Variants in ARL15 observed in about 807,000 individuals in gnomAD.
ARL15 encodes ARF like GTPase 15.
Under a neutral mutation model 25.2 loss-of-function variants are expected in ARL15, and 19 were observed. The ratio of observed to expected loss-of-function variants is 0.75; its 90% CI spans 0.53 to 1.10. The LOEUF (loss-of-function observed/expected upper bound fraction) is 1.10, where lower values mean the gene tolerates loss of function less well. ARL15 is among the 50% of genes least tolerant of loss of function. ARL15 has a pLI of 0.00. For missense variants in ARL15, 220 were observed against 246.0 expected (o/e 0.89, Z 0.71); for synonymous variants, 94 against 86.8 (o/e 1.08, Z -0.46).
rs1483269823 is a variant in ARL15 at position 54,171,898 on chromosome 5, G to A, written c.79C>T (p.Pro27Ser). ...CFRALCCKGPPPARPEYDLVC... is the reference protein window; with the variant it reads ...CFRALCCKGPSPARPEYDLVC... The stretch of plus-strand genomic sequence containing the variant: ...AGGTCATATTCTGGTCGTGCAGGTG[G>A]TGGTCCCTTGCAGCAAAGTGCTCTA... The change falls in exon 2 of 5, where the codon CCA becomes TCA. Residue 27 changes from proline (P) to serine (S), a missense_variant. Coordinates refer to ENST00000504924, the MANE Select transcript of ARL15 (RefSeq NM_019087.3). The A allele has an allele frequency of 1.5e-5, 25 of 1,613,300 alleles. No homozygotes were observed. The highest frequency in any genetic ancestry group is 2.1e-5 in the Non-Finnish European group (25 of 1,179,486).
chr5:53,893,758 C>T (rs1272742160), intron 4 of ARL15, among the ~76,000 whole-genome samples: 1 of 152,160 alleles, frequency 6.6e-6, no homozygotes, highest in East Asian at 1.9e-4. Flanking sequence ...GTAACCTTCA[C>T]CAAAGTCAGA....
At chr5:54,231,161 C>T (rs1756660999) in intron 1 of ARL15, among the ~76,000 whole-genome samples, 1 of 152,110 alleles carries the variant, frequency 6.6e-6, no homozygotes, top group African/African-American at 2.4e-5. Flanking sequence ...AAACCAAATG[C>T]ACCCTTGGCT....
chr5:54,010,745 C>T (rs1222751098), intron 4 of ARL15, among the ~76,000 whole-genome samples: 3 of 152,114 alleles, frequency 2.0e-5, no homozygotes, highest in African/African-American at 7.2e-5. Flanking sequence ...GGGGCGGTGG[C>T]TCACGCTTGT....
At chr5:53,918,526 C>A (rs1171183160) in intron 4 of ARL15, among the ~76,000 whole-genome samples, 1 of 151,948 alleles carries the variant, frequency 6.6e-6, no homozygotes, top group East Asian at 1.9e-4. Flanking sequence ...CTGTCAATTG[C>A]ATAATAATCT....
At chr5:54,100,434 A>C (rs1047972810) in intron 4 of ARL15, among the ~76,000 whole-genome samples, 1 of 152,044 alleles carries the variant, frequency 6.6e-6, no homozygotes, top group African/African-American at 2.4e-5. Flanking sequence ...AATGGGTTGG[A>C]TGGGTTTGTC....
intron 1 of ARL15, among the ~76,000 whole-genome samples, chr5:54,274,464 A>G (rs1757872272): frequency 6.6e-6 from 1 of 152,222 alleles, no homozygotes; most frequent in South Asian, 2.1e-4. Context: ...TACTGTAAAA[A>G]TAGAAATTAG....
At chr5:54,277,707 G>A (rs981468742) in intron 1 of ARL15, among the ~76,000 whole-genome samples, 1 of 152,088 alleles carries the variant, frequency 6.6e-6, no homozygotes, top group South Asian at 2.1e-4. Flanking sequence ...AGCCGAGATC[G>A]TGCCACTGCA....
At chr5:54,244,256 G>C (rs191816234) in intron 1 of ARL15, among the ~76,000 whole-genome samples, 1 of 152,164 alleles carries the variant, frequency 6.6e-6, no homozygotes, top group Non-Finnish European at 1.5e-5. Context: ...ATTAGTAAAT[G>C]AGTGTGTAAA....
intron 1 of ARL15, chr5:54,286,382 G>C (rs773631040): frequency 6.6e-6 from 1 of 152,132 alleles, no homozygotes; most frequent in Non-Finnish European, 1.5e-5. Flanking sequence ...TCCATGGATG[G>C]AATATGTAAG....
At chr5:54,012,546 C>T (rs1234243825) in intron 4 of ARL15, among the ~76,000 whole-genome samples, 5 of 145,316 alleles carry the variant, frequency 3.4e-5, no homozygotes, top group Non-Finnish European at 6.0e-5. Flanking sequence ...TTTTTTGAGA[C>T]GAGGTTTTGC....
At position 53,886,813 on chromosome 5, in the gene ARL15, A is replaced by G. The variant is rs1019271341; in HGVS notation, c.463-100T>C. ...TAAAGTAGGGGAATTTCGAGGCGGA[A>G]TTTATACGAACTGTGATGCCTACAA... On this transcript the variant is annotated intron_variant, in intron 4 of 4. Transcript: ENST00000504924. 5.3e-6 allele frequency: 6 copies of G among 1,140,740 alleles called. No homozygotes were observed. In the African/African-American group the frequency reaches 9.5e-5, roughly 18 times the overall value. The allele number at this position is 1,140,740 out of a possible 1,614,324, so 70.7% of individuals were successfully genotyped here.
chr5:53,956,660 A>G (rs536182000), intron 4 of ARL15, among the ~76,000 whole-genome samples: 1 of 151,930 alleles, frequency 6.6e-6, no homozygotes, highest in Non-Finnish European at 1.5e-5. Flanking sequence ...CAAATAGAGA[A>G]TATCAATAAA....
intron 4 of ARL15, among the ~76,000 whole-genome samples, chr5:53,982,533 G>C (rs1230489629): frequency 6.6e-6 from 1 of 152,054 alleles, no homozygotes; most frequent in African/African-American, 2.4e-5. Context: ...TTTTATGGCT[G>C]CATAGTATTC....
intron 4 of ARL15, among the ~76,000 whole-genome samples, chr5:54,101,247 CAT>C (rs1241834960): frequency 2.0e-5 from 3 of 151,988 alleles, no homozygotes; most frequent in Admixed American, 2.0e-4. Context: ...CTTTAAATAA[CAT>C]ATATTTTTCA....
At chr5:54,185,635 A>G (rs918960708) in intron 1 of ARL15, among the ~76,000 whole-genome samples, 4 of 152,210 alleles carry the variant, frequency 2.6e-5, no homozygotes, top group African/African-American at 9.6e-5. Flanking sequence ...AATCAGGACA[A>G]GTTACTTCAC....
intron 1 of ARL15, among the ~76,000 whole-genome samples, chr5:54,301,551 A>G (rs1758616869): frequency 6.6e-6 from 1 of 152,212 alleles, no homozygotes; most frequent in Non-Finnish European, 1.5e-5. Flanking sequence ...GGTACACAGA[A>G]GTCTGTTATA....
intron 1 of ARL15, among the ~76,000 whole-genome samples, chr5:54,290,888 T>C (rs1758304175): frequency 6.6e-6 from 1 of 152,204 alleles, no homozygotes; most frequent in African/African-American, 2.4e-5. Context: ...GAATTTATCT[T>C]TTTAAGCCAC....
intron 4 of ARL15, among the ~76,000 whole-genome samples, chr5:53,960,780 C>A (rs1440302671): frequency 6.6e-6 from 1 of 152,234 alleles, no homozygotes; most frequent in African/African-American, 2.4e-5. Context: ...GACCTCAGGT[C>A]TCCGAACTCC....
intron 3 of ARL15, among the ~76,000 whole-genome samples, chr5:54,123,374 G>A (rs1753149296): frequency 6.6e-6 from 1 of 152,264 alleles, no homozygotes; most frequent in South Asian, 2.1e-4. Context: ...CTCCCAAAGT[G>A]CTGGGATTAC....
Sources: allele counts gnomAD v4.1 joint callset (sites outside exome capture counted in the v4.1 genomes callset), GRCh38; gene constraint gnomAD v4.1.1; transcripts MANE v1.5; gene names NCBI Gene and HGNC (gene_info 2026-07-23, HGNC 2026-07-21).